DMXL1: variants seen among roughly 807,000 people sequenced by gnomAD.
DMXL1 encodes dmX-like protein 1.
A neutral mutation model predicts 319.2 loss-of-function variants in DMXL1; 99 were observed. The observed-to-expected ratio is 0.31, with a 90% CI of 0.26 to 0.37. The LOEUF (loss-of-function observed/expected upper bound fraction) is 0.37, where lower values mean the gene tolerates loss of function less well. DMXL1 is among the 10% of genes least tolerant of loss of function. The probability of loss-of-function intolerance (pLI) is 1.00; values close to 1 mark genes in which losing one functional copy is unlikely to be tolerated. For synonymous variants in DMXL1, 1,385 were observed against 1,235.2 expected (o/e 1.12, Z -2.54); for missense variants, 3,745 against 3,595.6 (o/e 1.04, Z -1.06).
chr5:119,134,913 A>G (rs777641523), intron 13 of DMXL1, among the ~76,000 whole-genome samples: 31 of 152,160 alleles, frequency 2.0e-4, no homozygotes, highest in Non-Finnish European at 4.0e-4. Flanking sequence ...AAGCGTTTCC[A>G]CTTTTCTGGT....
chr5:119,225,073 A>T (rs1386599815), intron 38 of DMXL1, among the ~76,000 whole-genome samples: 1 of 152,002 alleles, frequency 6.6e-6, no homozygotes, highest in South Asian at 2.1e-4. Context: ...AACACATTTT[A>T]TCTTTGAACA....
At chr5:119,158,687 CATGAAAGG>C (rs1417701228) in intron 19 of DMXL1, among the ~76,000 whole-genome samples, 1 of 152,136 alleles carries the variant, frequency 6.6e-6, no homozygotes, top group Non-Finnish European at 1.5e-5. Flanking sequence ...GAGTTTTTGT[CATGAAAGG>C]ATGTCGAATT....
At chr5:119,091,742 C>T (rs1469392041) in intron 1 of DMXL1, among the ~76,000 whole-genome samples, 2 of 152,160 alleles carry the variant, frequency 1.3e-5, no homozygotes, top group African/African-American at 4.8e-5. Context: ...CAGGAGGTAT[C>T]TCAGCAGAGG....
chr5:119,161,573 C>A (rs1490945414), intron 19 of DMXL1, among the ~76,000 whole-genome samples: 2 of 152,236 alleles, frequency 1.3e-5, no homozygotes, highest in Non-Finnish European at 2.9e-5. Flanking sequence ...TTGGGCAGGC[C>A]TGTCTTCTAA....
At chr5:119,166,528 C>G in intron 21 of DMXL1, 88 bp from the exon 22 acceptor site, 1 of 1,195,352 alleles carries the variant, frequency 8.4e-7, no homozygotes, top group Non-Finnish European at 1.2e-6. Flanking sequence ...TCTATTTAGA[C>G]TTAGCCAAAT....
At chr5:119,085,315 G>C (rs1753116606) in intron 1 of DMXL1, among the ~76,000 whole-genome samples, 1 of 151,764 alleles carries the variant, frequency 6.6e-6, no homozygotes, top group African/African-American at 2.4e-5. Flanking sequence ...CTGGGCAACA[G>C]AGTGAGACTT....
At chr5:119,134,202 A>C in intron 12 of DMXL1, 24 bp downstream of exon 12, 1 of 1,606,862 alleles carries the variant, frequency 6.2e-7, no homozygotes, top group African/African-American at 1.3e-5. Context: ...TTTTTATTAC[A>C]GTAATTTAGA....
At chr5:119,177,566 CAT>C in intron 27 of DMXL1, 82 bp downstream of exon 27, 1 of 1,196,662 alleles carries the variant, frequency 8.4e-7, no homozygotes. Flanking sequence ...AGTTTTGCCA[CAT>C]GATAATCATT....
In DMXL1 at chr5:119,071,315, G is replaced by A; in HGVS notation, c.-255G>A. 3 of 494,510 alleles carry A rather than the reference G, an allele frequency of 6.1e-6. No homozygotes were observed. In the South Asian group the frequency reaches 6.6e-5, roughly 11 times the overall value. 30.6% of individuals were successfully genotyped at this position (494,510 alleles called of 1,614,324 possible). A position where few individuals can be genotyped will look rare whatever the true frequency, so the allele number is the denominator to read the frequency against. ...GACCCTGAGCTTCACCTGGGCTAGC[G>A]CGGGGAGTGACAGGTGCGCGAAGGA... On this transcript the variant is annotated 5_prime_UTR_variant, in exon 1 of 44. Transcript: ENST00000539542.
At chr5:119,142,250 T>C (rs1334867300) in intron 13 of DMXL1, among the ~76,000 whole-genome samples, 1 of 151,140 alleles carries the variant, frequency 6.6e-6, no homozygotes, top group Non-Finnish European at 1.5e-5. Context: ...ACAGAGTAAA[T>C]AGACAACCTA....
At chr5:119,096,679 A>C (rs1756047642) in intron 1 of DMXL1, among the ~76,000 whole-genome samples, 1 of 152,222 alleles carries the variant, frequency 6.6e-6, no homozygotes, top group Non-Finnish European at 1.5e-5. Context: ...AGAAGGTGGT[A>C]GGGAAAAGGA....
intron 10 of DMXL1, chr5:119,132,759 C>T: frequency 3.7e-6 from 2 of 539,454 alleles, no homozygotes; most frequent in South Asian, 2.8e-5. Flanking sequence ...ATGAAACTCA[C>T]CACCAAAGGT....
At chr5:119,079,579 A>T (rs1280486614) in intron 1 of DMXL1, among the ~76,000 whole-genome samples, 1 of 152,294 alleles carries the variant, frequency 6.6e-6, no homozygotes, top group South Asian at 2.1e-4. Context: ...TTCTTAACTC[A>T]CTATACTTTG....
Position 119,129,257 on chromosome 5 carries a change from T to C in DMXL1, c.1149T>C (p.Asn383=), listed in dbSNP as rs924480604. ...TTACATCTCTGAGTCTAAATGAAAA[T>C]GAAGAGAAGACCGGACCTTTTGTTG... ...PSITSLSLNE[N]EEKTGPFVVH... is the part of the protein sequence containing the mutation. The change falls in exon 10 of 44, where the codon AAT becomes AAC. Residue 383 remains asparagine (N), a synonymous_variant. Transcript: ENST00000539542. 3.1e-6 allele frequency: 5 copies of C among 1,613,408 alleles called. No homozygotes were observed. The highest frequency in any genetic ancestry group is 4.2e-6 in the Non-Finnish European group (5 of 1,179,694).
Position 119,193,755 on chromosome 5 carries a change from A to G in DMXL1, c.7315-73A>G. ...GTATCTGCAAATGAGATGAATTATT[A>G]CTATTAGACTGTATGTTTGAATGTA... is the stretch of plus-strand genomic sequence containing the variant. On this transcript the variant is annotated intron_variant, in intron 29 of 43. Transcript: ENST00000539542. 7 of 1,377,382 alleles carry G rather than the reference A, an allele frequency of 5.1e-6. 1 individual carries two copies. The South Asian group carries it at 8.9e-5, about 18-fold the overall frequency. The allele number at this position is 1,377,382 out of a possible 1,614,324, so 85.3% of individuals were successfully genotyped here. A position where few individuals can be genotyped will look rare whatever the true frequency, so the allele number is the denominator to read the frequency against.
intron 1 of DMXL1, among the ~76,000 whole-genome samples, chr5:119,096,350 A>T (rs1219837722): frequency 6.6e-6 from 1 of 151,868 alleles, no homozygotes; most frequent in African/African-American, 2.4e-5. Context: ...CTAATTTTGT[A>T]TTTTTAGTAG....
intron 38 of DMXL1, among the ~76,000 whole-genome samples, chr5:119,230,162 G>A (rs1285623909): frequency 6.6e-6 from 1 of 152,138 alleles, no homozygotes; most frequent in Non-Finnish European, 1.5e-5. Flanking sequence ...GACAAATTTT[G>A]TAACAAAGAT....
intron 38 of DMXL1, among the ~76,000 whole-genome samples, chr5:119,232,463 A>G (rs1786940357): frequency 6.6e-6 from 1 of 152,160 alleles, no homozygotes; most frequent in South Asian, 2.1e-4. Flanking sequence ...ATTGATAATG[A>G]TACTCTATAA....
At chr5:119,241,376 CA>C (rs936546154) in intron 42 of DMXL1, among the ~76,000 whole-genome samples, 3 of 149,618 alleles carry the variant, frequency 2.0e-5, no homozygotes, top group South Asian at 2.1e-4. Flanking sequence ...CTTAAAATAC[CA>C]AAAAAAAATT....
Sources: allele counts gnomAD v4.1 joint callset (sites outside exome capture counted in the v4.1 genomes callset), GRCh38; gene constraint gnomAD v4.1.1; transcripts MANE v1.5; gene names NCBI Gene and HGNC (gene_info 2026-07-23, HGNC 2026-07-21).